RAB40C: variants seen among roughly 807,000 people sequenced by gnomAD.
The protein encoded by RAB40C is ras-related protein Rab-40C.
A neutral mutation model predicts 28.1 loss-of-function variants in RAB40C; 8 were observed. That is an observed-to-expected ratio of 0.28 (90% CI 0.17 to 0.51). RAB40C has a LOEUF of 0.51. Ranked by LOEUF, RAB40C falls within the 20% of genes least tolerant of loss-of-function variation. The pLI, the probability that RAB40C is intolerant of heterozygous loss-of-function variation, is 0.97. For synonymous variants in RAB40C, 201 were observed against 171.7 expected (o/e 1.17, Z -1.34); for missense variants, 288 against 405.9 (o/e 0.71, Z 2.50).
chr16:625,296 C>T lies in RAB40C; in HGVS notation c.265-136C>T, dbSNP rs1413792747. 6 of 1,462,922 alleles carry T rather than the reference C, an allele frequency of 4.1e-6. No homozygotes were observed. In the East Asian group the frequency reaches 1.5e-4, roughly 37 times the overall value. 90.6% of individuals were successfully genotyped at this position (1,462,922 alleles called of 1,614,324 possible). A position where few individuals can be genotyped will look rare whatever the true frequency, so the allele number is the denominator to read the frequency against. ...CACCAGCTCTGCCTGGAGGGCATGG[C>T]TCATCTGCCCATCCGCCAAGTAATA... On this transcript the variant is annotated intron_variant, in intron 3 of 5. Transcript: ENST00000248139.
At position 590,144 on chromosome 16, in the gene RAB40C, G is replaced by A. The variant is rs1315086326; in HGVS notation, c.-148G>A. On this transcript the variant is annotated 5_prime_UTR_variant, in exon 1 of 6. Coordinates refer to ENST00000248139, the MANE Select transcript of RAB40C (RefSeq NM_021168.5). ...GGTGCGCCCGGGCGCGGGCGGGGCG[G>A]GGCCGGCGCTGGGCTTCGGGCGCGC... 3 of 357,310 alleles carry A rather than the reference G, an allele frequency of 8.4e-6. No individual in the cohort carries two copies. Among genetic ancestry groups the A allele is most frequent in the Non-Finnish European group, 1.2e-5 (3 of 258,264 alleles). The allele number at this position is 357,310 out of a possible 1,614,324, so 22.1% of individuals were successfully genotyped here. A position where few individuals can be genotyped will look rare whatever the true frequency, so the allele number is the denominator to read the frequency against.
chr16:593,188 G>A (rs1480635319), intron 1 of RAB40C, among the ~76,000 whole-genome samples: 1 of 152,248 alleles, frequency 6.6e-6, no homozygotes. Flanking sequence ...TGGTCAGGTG[G>A]CAGCTTGCCA....
intron 1 of RAB40C, among the ~76,000 whole-genome samples, chr16:598,615 G>T (rs1303948836): frequency 6.6e-6 from 1 of 151,252 alleles, no homozygotes; most frequent in East Asian, 1.9e-4. Flanking sequence ...GGTGGTGCAC[G>T]TCTGTAGTCC....
intron 1 of RAB40C, among the ~76,000 whole-genome samples, chr16:597,760 A>G (rs897846265): frequency 1.3e-5 from 2 of 151,572 alleles, no homozygotes; most frequent in African/African-American, 4.8e-5. Context: ...AAGTTGGTGG[A>G]ATTACAGGCA....
intron 1 of RAB40C, among the ~76,000 whole-genome samples, chr16:611,553 C>A (rs893237299): frequency 1.3e-5 from 2 of 152,228 alleles, no homozygotes; most frequent in Non-Finnish European, 2.9e-5. Flanking sequence ...GGCCTGAGCG[C>A]GGTGCCTCCC....
chr16:601,527 G>A (rs1251986202), intron 1 of RAB40C, among the ~76,000 whole-genome samples: 1 of 152,150 alleles, frequency 6.6e-6, no homozygotes. Context: ...CGTCAGCAGA[G>A]CAATGTGATC....
At chr16:611,598 G>GACACTTGATTCT (rs1479889481) in intron 1 of RAB40C, among the ~76,000 whole-genome samples, 2 of 152,026 alleles carry the variant, frequency 1.3e-5, no homozygotes, top group African/African-American at 4.8e-5. Context: ...GTGTGCACGG[G>GACACTTGATTCT]ACAGCCGCCC....
chr16:596,393 G>A (rs992699340), intron 1 of RAB40C: 3 of 454,630 alleles, frequency 6.6e-6, no homozygotes, highest in Non-Finnish European at 1.3e-5. Context: ...CCTGCGAGCT[G>A]GCGTAGAGCA....
chr16:621,647 A>C (rs2036719057), intron 3 of RAB40C, among the ~76,000 whole-genome samples: 1 of 152,194 alleles, frequency 6.6e-6, no homozygotes, highest in African/African-American at 2.4e-5. Context: ...CGGGTGCCAC[A>C]ACCCGCTGGT....
intron 3 of RAB40C, among the ~76,000 whole-genome samples, chr16:622,966 C>T (rs1186551920): frequency 6.6e-6 from 1 of 152,122 alleles, no homozygotes; most frequent in Non-Finnish European, 1.5e-5. Flanking sequence ...TTTGGTTTCT[C>T]ACTCCGTGGT....
intron 5 of RAB40C, among the ~76,000 whole-genome samples, chr16:626,828 T>C (rs1567195783): frequency 6.6e-6 from 1 of 152,094 alleles, no homozygotes; most frequent in Non-Finnish European, 1.5e-5. Flanking sequence ...GTCCCAGCTA[T>C]TCGGGAGGCT....
At chr16:607,180 C>G (rs570573177) in intron 1 of RAB40C, among the ~76,000 whole-genome samples, 1 of 152,224 alleles carries the variant, frequency 6.6e-6, no homozygotes, top group East Asian at 1.9e-4. Flanking sequence ...ACTCCCCAGA[C>G]CACCAGCACG....
At chr16:609,743 A>G (rs554145169) in intron 1 of RAB40C, among the ~76,000 whole-genome samples, 86 of 152,354 alleles carry the variant, frequency 5.6e-4, no homozygotes, top group South Asian at 5.2e-3. Context: ...TAGAAGGGCT[A>G]GAAAAGAAAG....
At chr16:604,954 A>C (rs2036329040) in intron 1 of RAB40C, among the ~76,000 whole-genome samples, 1 of 152,148 alleles carries the variant, frequency 6.6e-6, no homozygotes, top group Non-Finnish European at 1.5e-5. Flanking sequence ...GTTACTTGGG[A>C]GGCTGAGGCA....
At chr16:609,866 C>T (rs898533220) in intron 1 of RAB40C, among the ~76,000 whole-genome samples, 2 of 152,064 alleles carry the variant, frequency 1.3e-5, no homozygotes, top group African/African-American at 4.8e-5. Context: ...GAGCTGTGTG[C>T]CTGGAGGGGG....
chr16:625,219 AC>A, intron 3 of RAB40C: 5 of 1,431,034 alleles, frequency 3.5e-6, no homozygotes, highest in East Asian at 2.8e-5. Flanking sequence ...GAAGGCGCCC[AC>A]CCCCCTGCTG....
intron 3 of RAB40C, chr16:625,129 C>T (rs1255538156): frequency 2.2e-6 from 3 of 1,345,638 alleles, no homozygotes; most frequent in African/African-American, 2.9e-5. Flanking sequence ...CTGCCAGAAC[C>T]CCGCATCTGC....
chr16:625,150 A>G, intron 3 of RAB40C: 1 of 1,367,364 alleles, frequency 7.3e-7, no homozygotes, highest in Non-Finnish European at 9.6e-7. Flanking sequence ...CTGCCCAGGA[A>G]ACTTCCACAG....
At chr16:620,813 C>T (rs562228133) in intron 3 of RAB40C, among the ~76,000 whole-genome samples, 7 of 136,330 alleles carry the variant, frequency 5.1e-5, no homozygotes, top group South Asian at 2.4e-4. Context: ...CGGGCTCCAC[C>T]GCGGGCATCC....
Sources: allele counts gnomAD v4.1 joint callset (sites outside exome capture counted in the v4.1 genomes callset), GRCh38; gene constraint gnomAD v4.1.1; transcripts MANE v1.5; gene names NCBI Gene and HGNC (gene_info 2026-07-23, HGNC 2026-07-21).